Variants in COX6B1 observed in about 807,000 individuals in gnomAD.
COX6B1 encodes the protein COX VIb-1.
COX6B1 carries 2 observed loss-of-function variants against 14.0 expected under a neutral mutation model. The observed-to-expected ratio is 0.14, with a 90% CI of 0.06 to 0.45. The LOEUF (loss-of-function observed/expected upper bound fraction) is 0.45, where lower values mean the gene tolerates loss of function less well. Among genes scored for constraint, COX6B1 ranks in the 20% least tolerant of loss-of-function variants. The pLI is 0.98. For synonymous variants in COX6B1, 30 were observed against 39.7 expected, an observed-to-expected ratio of 0.76 and a Z score of 0.92; for missense variants, 81 against 114.2, an observed-to-expected ratio of 0.71 and a Z score of 1.33.
chr19:35,655,026 CTTT>C (rs559837297), intron 3 of COX6B1, among the ~76,000 whole-genome samples: 1 of 118,748 alleles, frequency 8.4e-6, no homozygotes. Context: ...TTTTTTTTTT[CTTT>C]TTTTTTTTTT....
At chr19:35,656,038 A>C (rs1306126635) in intron 3 of COX6B1, among the ~76,000 whole-genome samples, 1 of 152,048 alleles carries the variant, frequency 6.6e-6, no homozygotes, top group East Asian at 1.9e-4. Flanking sequence ...CTTGTTGCCC[A>C]GACTGGTCTC....
intron 1 of COX6B1, 143 bp downstream of exon 1, chr19:35,648,546 A>G (rs914414678): frequency 3.2e-6 from 1 of 309,704 alleles, no homozygotes; most frequent in Non-Finnish European, 6.4e-6. Context: ...TGTTCATCGT[A>G]AGAGCTAACA....
chr19:35,655,090 C>T (rs1967872975), intron 3 of COX6B1, among the ~76,000 whole-genome samples: 2 of 147,428 alleles, frequency 1.4e-5, no homozygotes, highest in Non-Finnish European at 3.0e-5. Flanking sequence ...AGTGCAGTGG[C>T]GCGATCTTGC....
intron 1 of COX6B1, among the ~76,000 whole-genome samples, chr19:35,649,955 C>G (rs1288927342): frequency 6.6e-6 from 1 of 151,970 alleles, no homozygotes; most frequent in Non-Finnish European, 1.5e-5. Context: ...CACATTATAA[C>G]AGCAAATGTC....
At chr19:35,649,810 TG>T (rs2146369148) in intron 1 of COX6B1, among the ~76,000 whole-genome samples, 1 of 151,856 alleles carries the variant, frequency 6.6e-6, no homozygotes. Context: ...AGAGATGAGA[TG>T]GGGTTTCACC....
rs1381322956 is a variant in COX6B1, at chr19:35,651,219, C to T, written c.-11-14C>T. 2 of 1,585,610 alleles carry T rather than the reference C, an allele frequency of 1.3e-6. No individual in the cohort carries two copies. Among genetic ancestry groups the T allele is most frequent in the African/African-American group, 2.7e-5 (2 of 74,192 alleles). ...CCTGGGGCCCCTGCTGACACCCACTCCTTTCGCCTCCAGGATTCAGCACCA... is the reference window on the plus strand; with the variant it reads ...CCTGGGGCCCCTGCTGACACCCACTTCTTTCGCCTCCAGGATTCAGCACCA... On this transcript the variant is annotated splice_polypyrimidine_tract_variant and intron_variant, in intron 1 of 3. Coordinates refer to ENST00000649813, the MANE Select transcript of COX6B1 (RefSeq NM_001863.5).
At chr19:35,658,569 A>C in intron 3 of COX6B1, 25 bp from the exon 4 acceptor site, 1 of 1,606,166 alleles carries the variant, frequency 6.2e-7, no homozygotes, top group Non-Finnish European at 8.5e-7. Flanking sequence ...CCCACTGCGG[A>C]GGGAATAACA....
rs1967865643 is a variant in COX6B1 at position 35,654,494 on chromosome 19, T to C, written c.107-77T>C. 8.9e-6 allele frequency: 11 copies of C among 1,231,248 alleles called. No homozygotes were observed. In the South Asian group the frequency reaches 1.3e-4, roughly 15 times the overall value. 76.3% of individuals were successfully genotyped at this position (1,231,248 alleles called of 1,614,324 possible). Reference sequence around the variant, plus strand: ...CTGCACTCCAGCCTGAGTGACAGATTGAGACCCTACCTCAAAAAAAAAAAA... The same window carrying C: ...CTGCACTCCAGCCTGAGTGACAGATCGAGACCCTACCTCAAAAAAAAAAAA... On this transcript the variant is annotated intron_variant, in intron 2 of 3. Transcript: ENST00000649813.
chr19:35,649,093 T>C (rs1225784342), intron 1 of COX6B1, among the ~76,000 whole-genome samples: 1 of 152,138 alleles, frequency 6.6e-6, no homozygotes, highest in Non-Finnish European at 1.5e-5. Flanking sequence ...ATAGATACTT[T>C]TCTCTCAGGC....
At chr19:35,649,659 T>A (rs1967802617) in intron 1 of COX6B1, among the ~76,000 whole-genome samples, 2 of 152,050 alleles carry the variant, frequency 1.3e-5, no homozygotes, top group African/African-American at 4.8e-5. Flanking sequence ...TTTGTATTTT[T>A]AGTAGAGATG....
chr19:35,651,299 G>A lies in COX6B1; in HGVS notation c.56G>A (p.Ser19Asn). 6.2e-7 allele frequency: 1 copy of A among 1,614,078 alleles called. No individual in the cohort carries two copies. The highest frequency in any genetic ancestry group is 1.3e-5 in the African/African-American group (1 of 75,042). ...IKNYKTAPFDSRFPNQNQTRN... is the reference protein window; with the variant it reads ...IKNYKTAPFDNRFPNQNQTRN... ...AACTACAAGACCGCCCCTTTTGACA[G>A]CCGCTTCCCCAACCAGAACCAGACT... Residue 19 changes from serine to asparagine, a missense_variant, in exon 2 of 4, where the codon AGC becomes AAC. Ser to Asn is a conservative substitution (Grantham distance 46, BLOSUM62 1). Coordinates refer to ENST00000649813, the MANE Select transcript of COX6B1 (RefSeq NM_001863.5).
chr19:35,653,667 G>T (rs1389169858), intron 2 of COX6B1, among the ~76,000 whole-genome samples: 5 of 148,956 alleles, frequency 3.4e-5, no homozygotes, highest in African/African-American at 1.2e-4. Context: ...TGCAAGCTCC[G>T]CCTCCTGGGT....
chr19:35,649,870 C>T (rs1455462938), intron 1 of COX6B1, among the ~76,000 whole-genome samples: 1 of 152,100 alleles, frequency 6.6e-6, no homozygotes, highest in African/African-American at 2.4e-5. Flanking sequence ...GATCCTCCCA[C>T]CTCAGCATTC....
chr19:35,651,170 G>C, intron 1 of COX6B1, 63 bp from the exon 2 acceptor site: 1 of 964,078 alleles, frequency 1.0e-6, no homozygotes. Flanking sequence ...CATTGATCCT[G>C]GGTAGTCTGG....
chr19:35,651,696 C>T (rs186543999), intron 2 of COX6B1, among the ~76,000 whole-genome samples: 4 of 152,090 alleles, frequency 2.6e-5, no homozygotes, highest in Admixed American at 6.6e-5. Context: ...CTCAGCCTCT[C>T]GAGTAGCTGG....
Position 35,654,675 on chromosome 19 carries a change from T to G in COX6B1, c.207+4T>G. On this transcript the variant is annotated splice_donor_region_variant and intron_variant, in intron 3 of 3. Transcript: ENST00000649813. ...GTCCCTCTGCCCCACATCCTGGGTA[T>G]GTGCCTCCTGCCAGGGCCCTTGGGA... 1.2e-6 allele frequency: 2 copies of G among 1,613,816 alleles called. No individual in the cohort carries two copies. The highest frequency in any genetic ancestry group is 1.7e-6 in the Non-Finnish European group (2 of 1,179,718).
chr19:35,656,479 C>CTTTT (rs371195079), intron 3 of COX6B1, among the ~76,000 whole-genome samples: 3 of 122,598 alleles, frequency 2.4e-5, no homozygotes, highest in Admixed American at 8.4e-5. Flanking sequence ...GTTGTTAGAC[C>CTTTT]TTTTTTTTTT....
At chr19:35,650,657 T>C (rs998222397) in intron 1 of COX6B1, among the ~76,000 whole-genome samples, 4 of 151,286 alleles carry the variant, frequency 2.6e-5, no homozygotes, top group African/African-American at 9.7e-5. Flanking sequence ...GCAGTGAGCC[T>C]AGGTCGTACC....
chr19:35,657,650 A>ATTTT (rs1192141047), intron 3 of COX6B1, among the ~76,000 whole-genome samples: 6,719 of 115,454 alleles, frequency 0.058, 304 homozygotes, highest in South Asian at 0.073. Flanking sequence ...GGGCCTTTTC[A>ATTTT]TTTTTTTTTT....
Sources: gnomAD v4.1 joint callset for allele counts (sites outside exome capture counted in the v4.1 genomes callset) on GRCh38, gnomAD v4.1.1 for gene constraint, MANE v1.5 for transcripts, NCBI Gene and HGNC (gene_info 2026-07-23, HGNC 2026-07-21) for gene names.